Variants in ANO6 observed in about 807,000 individuals in gnomAD.
ANO6 encodes the protein anoctamin 6.
A neutral mutation model predicts 117.5 loss-of-function variants in ANO6; 106 were observed. The ratio of observed to expected loss-of-function variants is 0.90; its 90% confidence interval spans 0.77 to 1.06. ANO6 has a LOEUF of 1.06. Ranked by LOEUF, ANO6 falls within the 50% of genes least tolerant of loss-of-function variation. The pLI, the probability that ANO6 is intolerant of heterozygous loss-of-function variation, is 0.00. For synonymous variants in ANO6, 367 were observed against 385.1 expected (o/e 0.95, Z 0.55); for missense variants, 955 against 1,121.1 (o/e 0.85, Z 2.12).
chr12:45,310,028 GC>G (rs1338251050), intron 2 of ANO6, among the ~76,000 whole-genome samples: 1 of 152,110 alleles, frequency 6.6e-6, no homozygotes, highest in Admixed American at 6.6e-5. Context: ...AAGGCTGAAA[GC>G]TTTTTGTGCA....
chr12:45,273,688 G>A lies in ANO6; in HGVS notation c.71-28326G>A, dbSNP rs1042751788. ...TCCAACAAATTGGGTTCTTTGCTGT[G>A]AGCCTTGGTCTGCTTCCTATTTACG... On this transcript the variant is annotated intron_variant, in intron 1 of 19. Coordinates refer to ENST00000320560, the MANE Select transcript of ANO6 (RefSeq NM_001025356.3). 9.9e-5 allele frequency among the ~76,000 whole-genome samples: 15 copies of A among 152,194 alleles called. No homozygotes were observed. The East Asian group carries it at 2.9e-3, about 29-fold the overall frequency.
chr12:45,430,237 T>C lies in ANO6; in HGVS notation c.*926T>C. 1 of 985,474 alleles carries C rather than the reference T, an allele frequency of 1.0e-6. No homozygotes were observed. The highest frequency in any genetic ancestry group is 4.7e-5 in the South Asian group (1 of 21,288). The allele number at this position is 985,474 out of a possible 1,614,324, so 61.0% of individuals were successfully genotyped here. On this transcript the variant is annotated 3_prime_UTR_variant, in exon 20 of 20. Coordinates refer to ENST00000320560, the MANE Select transcript of ANO6 (RefSeq NM_001025356.3). ...GGAAAAGATAAGCCCCTCAATTTTCTACCAGTTGACTTTTATTCATTAGAT... is the reference window on the plus strand; with the variant it reads ...GGAAAAGATAAGCCCCTCAATTTTCCACCAGTTGACTTTTATTCATTAGAT...
chr12:45,279,501 G>A (rs1014303364), intron 1 of ANO6, among the ~76,000 whole-genome samples: 2 of 152,140 alleles, frequency 1.3e-5, no homozygotes, highest in African/African-American at 2.4e-5. Context: ...AAGTTTCACC[G>A]ACATGAGTTT....
chr12:45,237,549 T>C (rs941546487), intron 1 of ANO6, among the ~76,000 whole-genome samples: 1 of 152,244 alleles, frequency 6.6e-6, no homozygotes, highest in African/African-American at 2.4e-5. Context: ...TGTGGTGTTA[T>C]TTCTGAGGCC....
At chr12:45,304,184 T>C (rs540886663) in intron 2 of ANO6, among the ~76,000 whole-genome samples, 2 of 152,344 alleles carry the variant, frequency 1.3e-5, no homozygotes, top group South Asian at 4.1e-4. Context: ...CATAAACTGC[T>C]GTCTCCATGG....
At chr12:45,227,196 G>T (rs1174154536) in intron 1 of ANO6, among the ~76,000 whole-genome samples, 1 of 151,966 alleles carries the variant, frequency 6.6e-6, no homozygotes, top group Admixed American at 6.5e-5. Flanking sequence ...CACCATGTTG[G>T]CCAGGCTGGT....
intron 1 of ANO6, among the ~76,000 whole-genome samples, chr12:45,244,413 G>GGC (rs531063477): frequency 0.011 from 1,655 of 147,366 alleles, 34 homozygotes; most frequent in East Asian, 0.051. Context: ...TGGGGGGGGG[G>GGC]GGTGGTCTGT....
chr12:45,427,721 A>G (rs575993600), intron 19 of ANO6, among the ~76,000 whole-genome samples: 1 of 151,540 alleles, frequency 6.6e-6, no homozygotes, highest in Non-Finnish European at 1.5e-5. Flanking sequence ...TCCATTTCAT[A>G]ATCACTAAGT....
At chr12:45,376,819 A>G (rs1478151238) in intron 9 of ANO6, among the ~76,000 whole-genome samples, 2 of 151,922 alleles carry the variant, frequency 1.3e-5, no homozygotes, top group African/African-American at 4.8e-5. Context: ...AACCTGAACA[A>G]TGTGCACATG....
intron 8 of ANO6, among the ~76,000 whole-genome samples, chr12:45,367,243 A>G (rs1328715897): frequency 6.6e-6 from 1 of 152,182 alleles, no homozygotes; most frequent in Non-Finnish European, 1.5e-5. Context: ...CGGCCTCCCA[A>G]AGTGCTGGGA....
rs555175583 is a variant in ANO6 at position 45,257,863 on chromosome 12, A to G, written c.70+41472A>G. 2.0e-5 allele frequency among the ~76,000 whole-genome samples: 3 copies of G among 152,342 alleles called. No individual in the cohort carries two copies. In the East Asian group the frequency reaches 5.8e-4, roughly 29 times the overall value. On this transcript the variant is annotated intron_variant, in intron 1 of 19. Coordinates refer to ENST00000320560, the MANE Select transcript of ANO6 (RefSeq NM_001025356.3). ...CAAACTTTGCGAAGATTATAAAAAG[A>G]TTGAAATGAAAGCCAGGAGTTTTAT...
intron 3 of ANO6, among the ~76,000 whole-genome samples, chr12:45,340,448 A>G (rs1445228504): frequency 6.6e-6 from 1 of 152,192 alleles, no homozygotes; most frequent in Non-Finnish European, 1.5e-5. Context: ...TGCACTGCAA[A>G]TGAATTTGCT....
chr12:45,217,001 C>T (rs144033743), intron 1 of ANO6, among the ~76,000 whole-genome samples: 326 of 152,332 alleles, frequency 2.1e-3, no homozygotes, highest in African/African-American at 7.3e-3. Context: ...GGGAGGACCG[C>T]AGGGCCTTTT....
chr12:45,403,279 C>T, intron 14 of ANO6, 38 bp downstream of exon 14: 1 of 1,603,436 alleles, frequency 6.2e-7, no homozygotes. Flanking sequence ...CCAGTTTAAG[C>T]TGAGTTTTCT....
At chr12:45,353,885 G>C (rs1476750302) in intron 7 of ANO6, among the ~76,000 whole-genome samples, 1 of 152,076 alleles carries the variant, frequency 6.6e-6, no homozygotes, top group African/African-American at 2.4e-5. Context: ...TGATTAGACA[G>C]AAAAACACCA....
intron 2 of ANO6, among the ~76,000 whole-genome samples, chr12:45,306,596 G>T (rs1939677317): frequency 6.6e-6 from 1 of 151,962 alleles, no homozygotes; most frequent in Non-Finnish European, 1.5e-5. Context: ...AAATATTTTT[G>T]ATTCCCTGAA....
At position 45,431,638 on chromosome 12, in the gene ANO6, C is replaced by T. The variant is rs576967332; in HGVS notation, c.*2327C>T. 10 of 985,414 alleles carry T rather than the reference C, an allele frequency of 1.0e-5. No homozygotes were observed. In the African/African-American group the frequency reaches 1.7e-4, roughly 17 times the overall value. The allele number at this position is 985,414 out of a possible 1,614,324, so 61.0% of individuals were successfully genotyped here. A position where few individuals can be genotyped will look rare whatever the true frequency, so the allele number is the denominator to read the frequency against. ...TAGTGGAGATGCAGGGTCATTTCCC[C>T]ATGCCATCCACAGTGTTTGTTAGTG... On this transcript the variant is annotated 3_prime_UTR_variant, in exon 20 of 20. Transcript: ENST00000320560.
intron 19 of ANO6, among the ~76,000 whole-genome samples, chr12:45,424,383 G>A (rs1943448218): frequency 7.7e-6 from 1 of 129,396 alleles, no homozygotes; most frequent in African/African-American, 2.9e-5. Flanking sequence ...CTGTTGCCCA[G>A]GCTGGAGTAT....
chr12:45,322,984 T>C (rs972911981), intron 2 of ANO6, among the ~76,000 whole-genome samples: 1 of 152,188 alleles, frequency 6.6e-6, no homozygotes, highest in Non-Finnish European at 1.5e-5. Flanking sequence ...CCAGTTTTCA[T>C]GTTAAGATCA....
Sources: gnomAD v4.1 joint callset for allele counts (sites outside exome capture counted in the v4.1 genomes callset) on GRCh38, gnomAD v4.1.1 for gene constraint, MANE v1.5 for transcripts, NCBI Gene and HGNC (gene_info 2026-07-23, HGNC 2026-07-21) for gene names.